The following FLACC1 variants were observed in gnomAD, a reference collection of about 807,000 sequenced individuals.
FLACC1 encodes the protein flagellum associated containing coiled-coil domains 1.
Under a neutral mutation model 62.8 loss-of-function variants are expected in FLACC1, and 66 were observed. The observed-to-expected ratio is 1.05, with a 90% CI of 0.86 to 1.29. FLACC1 has a LOEUF of 1.29. Ranked by LOEUF, FLACC1 falls within the 50% of genes most tolerant of loss-of-function variation. The pLI is 0.00. For synonymous variants in FLACC1, 156 were observed against 161.0 expected, an observed-to-expected ratio of 0.97 and a Z score of 0.24; for missense variants, 452 against 489.1, an observed-to-expected ratio of 0.92 and a Z score of 0.71.
At chr2:201,293,002 G>C (rs978208378) in intron 12 of FLACC1, among the ~76,000 whole-genome samples, 2 of 152,086 alleles carry the variant, frequency 1.3e-5, no homozygotes, top group African/African-American at 4.8e-5. Context: ...CCCAATACAG[G>C]AGCAGCCAGA....
intron 1 of FLACC1, 105 bp downstream of exon 1, chr2:201,356,877 T>C (rs1951128359): frequency 6.6e-6 from 1 of 152,178 alleles, no homozygotes; most frequent in African/African-American, 2.4e-5. Flanking sequence ...AGGCTTGCCC[T>C]AACAATAGTC....
chr2:201,328,488 C>G (rs762065540), intron 9 of FLACC1, among the ~76,000 whole-genome samples: 1 of 152,144 alleles, frequency 6.6e-6, no homozygotes, highest in Admixed American at 6.5e-5. Context: ...TGCAGTGGCA[C>G]GATCTCGGCT....
upstream of FLACC1, among the ~76,000 whole-genome samples, chr2:201,359,941 T>TA (rs34856709): frequency 0.5 from 74,333 of 147,578 alleles, 18,845 homozygotes; most frequent in South Asian, 0.6. Flanking sequence ...TTCTTATGAT[T>TA]AAAAAAAAAA....
intron 12 of FLACC1, among the ~76,000 whole-genome samples, chr2:201,293,871 C>T (rs1229066773): frequency 6.6e-6 from 1 of 151,730 alleles, no homozygotes; most frequent in Non-Finnish European, 1.5e-5. Context: ...CTACAAACTA[C>T]CATCAGAGAG....
intron 14 of FLACC1, 118 bp from the exon 15 acceptor site, chr2:201,288,899 T>A: frequency 8.4e-7 from 1 of 1,192,396 alleles, no homozygotes; most frequent in Non-Finnish European, 1.2e-6. Context: ...AGTCTCTCAC[T>A]CATTACTTGC....
intron 12 of FLACC1, among the ~76,000 whole-genome samples, chr2:201,293,040 C>A (rs1328473054): frequency 3.3e-5 from 5 of 152,232 alleles, no homozygotes; most frequent in Non-Finnish European, 7.4e-5. Flanking sequence ...TAGAGACCTA[C>A]AAAAAGACTT....
At chr2:201,342,230 G>A (rs918686530) in intron 7 of FLACC1, 140 bp downstream of exon 7, 8 of 758,554 alleles carry the variant, frequency 1.1e-5, no homozygotes, top group African/African-American at 3.5e-5. Context: ...TCAAAGACAC[G>A]TGTCTTGTTC....
intron 9 of FLACC1, among the ~76,000 whole-genome samples, chr2:201,315,803 C>T (rs1447226062): frequency 1.3e-5 from 2 of 151,944 alleles, no homozygotes; most frequent in South Asian, 4.1e-4. Flanking sequence ...ATATGATAGG[C>T]CACAAAACAA....
At chr2:201,359,328 G>T (rs549401152), upstream of FLACC1, among the ~76,000 whole-genome samples, 1 of 152,198 alleles carries the variant, frequency 6.6e-6, no homozygotes, top group Non-Finnish European at 1.5e-5. Context: ...AAGTGGTGAC[G>T]TCTGTTAGAG....
At chr2:201,345,483 TGTA>T (rs1559418599) in intron 5 of FLACC1, among the ~76,000 whole-genome samples, 11 of 147,102 alleles carry the variant, frequency 7.5e-5, no homozygotes, top group Non-Finnish European at 1.5e-4. Flanking sequence ...TGTGTGTGTG[TGTA>T]TGTGTGTGTG....
At chr2:201,358,478 GGGATCTCGGCTCACT>G (rs1186212968), upstream of FLACC1, among the ~76,000 whole-genome samples, 1 of 147,228 alleles carries the variant, frequency 6.8e-6, no homozygotes, top group African/African-American at 2.5e-5. Flanking sequence ...GTGCAGTGGC[GGGATCTCGGCTCACT>G]GCAAGCTCCG....
At chr2:201,358,777 T>C (rs1576490942), upstream of FLACC1, among the ~76,000 whole-genome samples, 2 of 152,222 alleles carry the variant, frequency 1.3e-5, no homozygotes, top group African/African-American at 4.8e-5. Context: ...TCCAGGCTGG[T>C]CTTGTACTCC....
intron 9 of FLACC1, among the ~76,000 whole-genome samples, chr2:201,323,506 T>C (rs1950443061): frequency 1.3e-5 from 2 of 152,050 alleles, no homozygotes; most frequent in African/African-American, 2.4e-5. Context: ...GGTTTTGTAA[T>C]TGAAGGAGAA....
At position 201,288,500 on chromosome 2, in the gene FLACC1, T is replaced by A. The variant is rs751515530; in HGVS notation, c.*155A>T. 1.1e-4 allele frequency: 98 copies of A among 874,580 alleles called. No individual in the cohort carries two copies. The highest frequency in any genetic ancestry group is 1.5e-4 in the Non-Finnish European group (90 of 594,620). The allele number at this position is 874,580 out of a possible 1,614,324, so 54.2% of individuals were successfully genotyped here. On this transcript the variant is annotated 3_prime_UTR_variant, in exon 15 of 15. Transcript: ENST00000392257. The stretch of plus-strand genomic sequence containing the variant: ...TCCGTGATAAGCTGTGAAATTCAGA[T>A]GCGAATTCAAACATTTTCAGACATT...
intron 12 of FLACC1, among the ~76,000 whole-genome samples, chr2:201,296,025 A>T (rs1009955079): frequency 1.6e-4 from 24 of 152,054 alleles, no homozygotes; most frequent in Non-Finnish European, 3.5e-4. Flanking sequence ...GGTGCTGGAG[A>T]GGATGTGGAG....
intron 5 of FLACC1, among the ~76,000 whole-genome samples, chr2:201,345,844 G>A (rs993491951): frequency 6.6e-6 from 1 of 152,110 alleles, no homozygotes; most frequent in African/African-American, 2.4e-5. Context: ...TCTCCCGGGG[G>A]CATGAGCTGA....
In FLACC1 at chr2:201,318,810, T is replaced by C. The variant is rs908491144; in HGVS notation, c.676-9560A>G. Reference sequence around the variant, plus strand: ...TGGCATCAACACAACTTGGATGAGATTGGAGACTTATTCTAAGTGAAGTAA... The same window carrying C: ...TGGCATCAACACAACTTGGATGAGACTGGAGACTTATTCTAAGTGAAGTAA... On this transcript the variant is annotated intron_variant, in intron 9 of 14. Transcript: ENST00000392257. Among the ~76,000 whole-genome samples the C allele has an allele frequency of 5.9e-5, 9 of 152,150 alleles. No homozygotes were observed. In the East Asian group the frequency reaches 7.7e-4, roughly 13 times the overall value.
chr2:201,293,699 C>CA (rs1204864811), intron 12 of FLACC1, among the ~76,000 whole-genome samples: 2 of 151,560 alleles, frequency 1.3e-5, no homozygotes, highest in Non-Finnish European at 2.9e-5. Flanking sequence ...GATAGAGACA[C>CA]AAAAAACCCT....
chr2:201,307,596 T>C lies in FLACC1; in HGVS notation c.802A>G (p.Met268Val). 1 of 1,614,104 alleles carries C rather than the reference T, an allele frequency of 6.2e-7. No individual in the cohort carries two copies. Among genetic ancestry groups the C allele is most frequent in the Non-Finnish European group, 8.5e-7 (1 of 1,179,944 alleles). ...QKKKMTKKFE[M>V]ESGEEDKKIN... ...TTCTTATCTTCTTCTCCTGACTCCA[T>C]TTCGAATTTTTTGGTCATCTTTTTT... is the stretch of plus-strand genomic sequence containing the variant. Residue 268 changes from methionine (M) to valine (V), a missense_variant, in exon 11 of 15, where the codon ATG becomes GTG. Coordinates refer to ENST00000392257, the MANE Select transcript of FLACC1 (RefSeq NM_001127391.3).
Sources: gnomAD v4.1 joint callset for allele counts (sites outside exome capture counted in the v4.1 genomes callset) on GRCh38, gnomAD v4.1.1 for gene constraint, MANE v1.5 for transcripts, NCBI Gene and HGNC (gene_info 2026-07-23, HGNC 2026-07-21) for gene names.